The following SLC2A5 variants were observed in gnomAD, a reference collection of about 807,000 sequenced individuals.
SLC2A5 encodes the protein solute carrier family 2 member 5, also known as solute carrier family 2, facilitated glucose transporter member 5.
A neutral mutation model predicts 50.3 loss-of-function variants in SLC2A5; 56 were observed. That is an observed-to-expected ratio of 1.11 (90% CI 0.90 to 1.39). The LOEUF is 1.39. Among genes scored for constraint, SLC2A5 ranks in the 40% most tolerant of loss-of-function variants. SLC2A5 has a pLI of 0.00. For missense variants in SLC2A5, 566 were observed against 650.1 expected (o/e 0.87, Z 1.41); for synonymous variants, 269 against 281.9 (o/e 0.95, Z 0.46).
At chr1:9,077,260 A>T (rs1642293867) in intron 2 of SLC2A5, among the ~76,000 whole-genome samples, 2 of 151,258 alleles carry the variant, frequency 1.3e-5, no homozygotes, top group Non-Finnish European at 2.9e-5. Flanking sequence ...TTAGCCAGGC[A>T]TGGTGCTGCA....
chr1:9,057,323 A>G (rs1641783898), intron 3 of SLC2A5, 125 bp downstream of exon 3: 2 of 527,728 alleles, frequency 3.8e-6, no homozygotes, highest in Non-Finnish European at 6.0e-6. Flanking sequence ...AAAGAAAGAA[A>G]AAAGAAAAAT....
exon 2 of SLC2A5, chr1:9,085,017 GGCC>G (rs1315255002): frequency 6.6e-6 from 1 of 152,440 alleles, no homozygotes; most frequent in Admixed American, 6.5e-5. Flanking sequence ...GACTTACCCC[GGCC>G]TTGCACAGCA....
At chr1:9,061,265 G>A (rs1217786957) in intron 1 of SLC2A5, among the ~76,000 whole-genome samples, 3 of 128,860 alleles carry the variant, frequency 2.3e-5, no homozygotes, top group African/African-American at 5.9e-5. Context: ...CTGGGTGACA[G>A]TGCAAGACCC....
At chr1:9,042,407 A>G (rs1472435335) in intron 4 of SLC2A5, among the ~76,000 whole-genome samples, 6 of 143,328 alleles carry the variant, frequency 4.2e-5, no homozygotes, top group African/African-American at 1.5e-4. Flanking sequence ...AAAAATATGT[A>G]TATGTGTGTG....
upstream of SLC2A5, among the ~76,000 whole-genome samples, chr1:9,072,779 G>A (rs531379074): frequency 7.1e-5 from 10 of 140,414 alleles, no homozygotes; most frequent in Non-Finnish European, 1.4e-4. Flanking sequence ...GTGAAACCCC[G>A]TTTCTACTAA....
intron 2 of SLC2A5, among the ~76,000 whole-genome samples, chr1:9,076,557 C>T (rs1486681374): frequency 6.6e-6 from 1 of 152,092 alleles, no homozygotes; most frequent in African/African-American, 2.4e-5. Flanking sequence ...GCCTTTGATG[C>T]ACAAAACGGG....
At chr1:9,070,072 G>GTTTTTTTTTTTTTTTT (rs56828280), upstream of SLC2A5, among the ~76,000 whole-genome samples, 9 of 62,544 alleles carry the variant, frequency 1.4e-4, 2 homozygotes, top group African/African-American at 7.9e-4. Flanking sequence ...CTCATTTTCT[G>GTTTTTTTTTTTTTTTT]TTTTTTTTTT....
At chr1:9,038,387 C>T in intron 10 of SLC2A5, 44 bp downstream of exon 10, 3 of 1,431,700 alleles carry the variant, frequency 2.1e-6, no homozygotes, top group Non-Finnish European at 3.0e-6. Context: ...GCTTCTGGGA[C>T]CAGGGGGGGT....
intron 3 of SLC2A5, among the ~76,000 whole-genome samples, chr1:9,050,564 A>G (rs1641544412): frequency 6.6e-6 from 1 of 152,210 alleles, no homozygotes; most frequent in Non-Finnish European, 1.5e-5. Flanking sequence ...CCAAATATTA[A>G]TTCACAGTGG....
At chr1:9,041,637 C>T (rs1008422052) in intron 5 of SLC2A5, 148 bp downstream of exon 5, 1 of 1,508,104 alleles carries the variant, frequency 6.6e-7, no homozygotes, top group African/African-American at 1.4e-5. Flanking sequence ...TGGCTCGGGA[C>T]AGGATGGGCC....
intron 1 of SLC2A5, among the ~76,000 whole-genome samples, chr1:9,065,654 T>C (rs1049624459): frequency 9.2e-5 from 14 of 152,118 alleles, no homozygotes; most frequent in Non-Finnish European, 1.8e-4. Flanking sequence ...TCTGCTGGGC[T>C]GTGTGGCCTT....
At chr1:9,053,067 A>C (rs575775594) in intron 3 of SLC2A5, among the ~76,000 whole-genome samples, 1 of 111,320 alleles carries the variant, frequency 9.0e-6, no homozygotes, top group African/African-American at 4.0e-5. Context: ...AATATATATT[A>C]TATATTTATA....
In SLC2A5 at chr1:9,039,670, G is replaced by C. The variant is rs1641241803; in HGVS notation, c.886-8C>G. ...GTCCGCGTAGTAGTAGATCTGCAAG[G>C]CAAGCGCGGGGCTGGGCGGCTGCCC... On this transcript the variant is annotated splice_region_variant and splice_polypyrimidine_tract_variant and intron_variant, in intron 7 of 11. Transcript: ENST00000377424. 6.5e-7 allele frequency: 1 copy of C among 1,527,516 alleles called. No homozygotes were observed. Among genetic ancestry groups the C allele is most frequent in the Non-Finnish European group, 8.8e-7 (1 of 1,136,640 alleles). 94.6% of individuals were successfully genotyped at this position (1,527,516 alleles called of 1,614,324 possible).
intron 5 of SLC2A5, chr1:9,041,553 C>T: frequency 7.3e-7 from 1 of 1,366,262 alleles, no homozygotes; most frequent in Non-Finnish European, 9.5e-7. Context: ...GCCACCTCAT[C>T]CATCTCCTAA....
upstream of SLC2A5, chr1:9,073,161 T>C (rs1325288692): frequency 1.3e-5 from 2 of 152,204 alleles, no homozygotes. Flanking sequence ...TCACCTCTGC[T>C]AGGAATGTTC....
intron 4 of SLC2A5, among the ~76,000 whole-genome samples, chr1:9,044,004 G>A (rs1289879537): frequency 6.6e-6 from 1 of 151,626 alleles, no homozygotes; most frequent in African/African-American, 2.4e-5. Flanking sequence ...TTACAGGCAT[G>A]AGCCACCGTG....
At chr1:9,085,625 C>G (rs1642393813) in intron 1 of SLC2A5, among the ~76,000 whole-genome samples, 2 of 152,200 alleles carry the variant, frequency 1.3e-5, no homozygotes, top group Non-Finnish European at 2.9e-5. Flanking sequence ...TCGAACCCCA[C>G]TTCCATTATG....
At chr1:9,067,674 G>A (rs1642117158) in intron 1 of SLC2A5, among the ~76,000 whole-genome samples, 1 of 152,168 alleles carries the variant, frequency 6.6e-6, no homozygotes, top group Admixed American at 6.5e-5. Context: ...AGACTCCAAA[G>A]CAGTGCCTCT....
At chr1:9,079,581 G>T (rs113789623) in intron 2 of SLC2A5, among the ~76,000 whole-genome samples, 4 of 152,182 alleles carry the variant, frequency 2.6e-5, no homozygotes, top group African/African-American at 9.7e-5. Flanking sequence ...TGCCTCCTAG[G>T]CTCAAGTGAT....
Sources: gnomAD v4.1 joint callset for allele counts (sites outside exome capture counted in the v4.1 genomes callset) on GRCh38, gnomAD v4.1.1 for gene constraint, MANE v1.5 for transcripts, NCBI Gene and HGNC (gene_info 2026-07-23, HGNC 2026-07-21) for gene names.